IGF1R: variants seen among roughly 807,000 people sequenced by gnomAD.
IGF1R encodes insulin-like growth factor 1 receptor.
In IGF1R, 44 loss-of-function variants were observed where a neutral mutation model predicts 144.6. The ratio of observed to expected loss-of-function variants is 0.30; its 90% CI spans 0.24 to 0.39. IGF1R has a LOEUF of 0.39. IGF1R is among the 10% of genes least tolerant of loss of function. The probability of loss-of-function intolerance (pLI) is 1.00; values close to 1 mark genes in which losing one functional copy is unlikely to be tolerated. For synonymous variants in IGF1R, 795 were observed against 722.8 expected (o/e 1.10, Z -1.60); for missense variants, 1,355 against 1,833.7 (o/e 0.74, Z 4.77).
intron 2 of IGF1R, among the ~76,000 whole-genome samples, chr15:98,785,582 C>T (rs2055973453): frequency 6.6e-6 from 1 of 152,114 alleles, no homozygotes; most frequent in South Asian, 2.1e-4. Flanking sequence ...GACTTTAGCC[C>T]CAAAGGTTTT....
intron 1 of IGF1R, among the ~76,000 whole-genome samples, chr15:98,664,629 G>A (rs1567063812): frequency 1.3e-5 from 2 of 148,472 alleles, no homozygotes; most frequent in Non-Finnish European, 3.0e-5. Context: ...GAGGTTGGAG[G>A]TTGCAGTGAG....
intron 2 of IGF1R, among the ~76,000 whole-genome samples, chr15:98,720,045 T>C (rs8038015): frequency 0.42 from 63,926 of 152,038 alleles, 13,991 homozygotes; most frequent in African/African-American, 0.53. Context: ...TTTTTGGAAA[T>C]GAGCTTGGTT....
chr15:98,822,715 A>T (rs1489954885), intron 2 of IGF1R, among the ~76,000 whole-genome samples: 1 of 152,230 alleles, frequency 6.6e-6, no homozygotes, highest in African/African-American at 2.4e-5. Flanking sequence ...AACTGACTGT[A>T]TGGAAGACAG....
Position 98,692,040 on chromosome 15 carries a change from ATTTC to A in IGF1R, c.95-15514_95-15511del, listed in dbSNP as rs529659600. Reference sequence around the variant, plus strand: ...TGTGTGAATCTGTTAAGTTAAAAATATTTCTTTCTTTGGCCGGGCACAGAGTGGC... The same window carrying A: ...TGTGTGAATCTGTTAAGTTAAAAATATTTCTTTGGCCGGGCACAGAGTGGC... On this transcript the variant is annotated intron_variant, in intron 1 of 20. Coordinates refer to ENST00000650285, the MANE Select transcript of IGF1R (RefSeq NM_000875.5). 5.4e-3 allele frequency among the ~76,000 whole-genome samples: 821 copies of A among 152,176 alleles called. 5 individuals carry two copies. The highest frequency in any genetic ancestry group is 0.019 in the African/African-American group (788 of 41,510).
intron 2 of IGF1R, among the ~76,000 whole-genome samples, chr15:98,842,551 A>C (rs977616223): frequency 1.3e-5 from 2 of 152,220 alleles, no homozygotes; most frequent in African/African-American, 2.4e-5. Flanking sequence ...TTGATGTGTT[A>C]ACAATTTTTG....
At chr15:98,795,291 A>G (rs1056604687) in intron 2 of IGF1R, among the ~76,000 whole-genome samples, 1 of 152,128 alleles carries the variant, frequency 6.6e-6, no homozygotes, top group African/African-American at 2.4e-5. Context: ...GTCTAGACTT[A>G]AATTAAATTC....
At chr15:98,908,493 C>T (rs1170654887) in intron 5 of IGF1R, among the ~76,000 whole-genome samples, 192 bp from the exon 6 acceptor site, 2 of 152,256 alleles carry the variant, frequency 1.3e-5, no homozygotes, top group Middle Eastern at 3.4e-3. Context: ...GATATGTTAT[C>T]CTTGAATCAT....
chr15:98,797,621 AAGAC>A (rs2056275544), intron 2 of IGF1R, among the ~76,000 whole-genome samples: 1 of 152,162 alleles, frequency 6.6e-6, no homozygotes, highest in East Asian at 1.9e-4. Flanking sequence ...CATCTGGGGT[AAGAC>A]AGAGCCCTCC....
intron 3 of IGF1R, among the ~76,000 whole-genome samples, chr15:98,896,243 A>G (rs938655583): frequency 6.6e-6 from 1 of 152,182 alleles, no homozygotes; most frequent in Non-Finnish European, 1.5e-5. Context: ...GCCTTTTGGT[A>G]TCCCTCACTG....
At chr15:98,828,291 A>G (rs2056933759) in intron 2 of IGF1R, among the ~76,000 whole-genome samples, 1 of 151,098 alleles carries the variant, frequency 6.6e-6, no homozygotes, top group Non-Finnish European at 1.5e-5. Context: ...CTTTTTTTTT[A>G]GTTTGCAGTT....
chr15:98,684,399 A>C (rs2141219678), intron 1 of IGF1R, among the ~76,000 whole-genome samples: 1 of 142,266 alleles, frequency 7.0e-6, no homozygotes. Context: ...TATGCTTGCT[A>C]ATGGGGGAGG....
chr15:98,826,177 A>G (rs1178051859), intron 2 of IGF1R, among the ~76,000 whole-genome samples: 9 of 152,252 alleles, frequency 5.9e-5, no homozygotes, highest in Admixed American at 5.9e-4. Context: ...GGATGACTGC[A>G]TATTGCGGGA....
intron 2 of IGF1R, among the ~76,000 whole-genome samples, chr15:98,784,924 C>A (rs1194091516): frequency 6.6e-6 from 1 of 152,112 alleles, no homozygotes; most frequent in African/African-American, 2.4e-5. Flanking sequence ...TGGAACCAAT[C>A]CCCCTTGGAT....
At chr15:98,695,151 A>G (rs1261245747) in intron 1 of IGF1R, among the ~76,000 whole-genome samples, 1 of 152,242 alleles carries the variant, frequency 6.6e-6, no homozygotes, top group African/African-American at 2.4e-5. Flanking sequence ...CAAACAGTGT[A>G]TGCTTTTCAG....
At chr15:98,840,644 T>C (rs1792474501) in intron 2 of IGF1R, among the ~76,000 whole-genome samples, 1 of 151,868 alleles carries the variant, frequency 6.6e-6, no homozygotes, top group Admixed American at 6.6e-5. Flanking sequence ...GGTCTCATTT[T>C]GTTGTCCAGG....
At chr15:98,764,912 A>G (rs1567117342) in intron 2 of IGF1R, among the ~76,000 whole-genome samples, 2 of 152,188 alleles carry the variant, frequency 1.3e-5, no homozygotes, top group Non-Finnish European at 2.9e-5. Flanking sequence ...TCTAGTTCCA[A>G]AATACATTTG....
intron 1 of IGF1R, among the ~76,000 whole-genome samples, chr15:98,685,037 G>C (rs948659246): frequency 2.0e-5 from 3 of 151,016 alleles, no homozygotes; most frequent in Non-Finnish European, 4.4e-5. Context: ...CAACGTCCCA[G>C]GCTCAAGGGA....
intron 2 of IGF1R, among the ~76,000 whole-genome samples, chr15:98,784,767 A>G (rs577883186): frequency 6.6e-6 from 1 of 152,306 alleles, no homozygotes; most frequent in Admixed American, 6.5e-5. Flanking sequence ...AAACTAGTAT[A>G]ACAACTTTTT....
intron 1 of IGF1R, among the ~76,000 whole-genome samples, chr15:98,691,338 T>G (rs778459208): frequency 1.7e-4 from 26 of 151,498 alleles, no homozygotes; most frequent in Admixed American, 4.6e-4. Flanking sequence ...CACTGCCCCT[T>G]AATTTGGAGT....
Sources: allele counts gnomAD v4.1 joint callset (sites outside exome capture counted in the v4.1 genomes callset), GRCh38; gene constraint gnomAD v4.1.1; transcripts MANE v1.5; gene names NCBI Gene and HGNC (gene_info 2026-07-23, HGNC 2026-07-21).